The following PTPRD variants were observed in gnomAD, a reference collection of about 807,000 sequenced individuals.
The protein encoded by PTPRD is protein tyrosine phosphatase receptor type D, also known as receptor-type tyrosine-protein phosphatase delta.
In PTPRD, 34 loss-of-function variants were observed where a neutral mutation model predicts 214.5. The observed-to-expected ratio is 0.16, with a 90% CI of 0.12 to 0.21. The LOEUF (loss-of-function observed/expected upper bound fraction) is 0.21, where lower values mean the gene tolerates loss of function less well. Among genes scored for constraint, PTPRD ranks in the 10% least tolerant of loss-of-function variants. The pLI is 1.00. For synonymous variants in PTPRD, 1,128 were observed against 845.7 expected, an observed-to-expected ratio of 1.33 and a Z score of -5.79; for missense variants, 2,545 against 2,398.7, an observed-to-expected ratio of 1.06 and a Z score of -1.27.
intron 4 of PTPRD, among the ~76,000 whole-genome samples, chr9:10,029,574 T>A (rs1227707005): frequency 6.6e-6 from 1 of 152,204 alleles, no homozygotes; most frequent in East Asian, 1.9e-4. Context: ...TGCTGGATTT[T>A]GGATTTGCAT....
At chr9:9,681,306 T>C (rs887654745) in intron 7 of PTPRD, among the ~76,000 whole-genome samples, 2 of 151,726 alleles carry the variant, frequency 1.3e-5, no homozygotes, top group Admixed American at 1.3e-4. Flanking sequence ...AACTCTGTGA[T>C]AAAATATGGA....
intron 2 of PTPRD, among the ~76,000 whole-genome samples, chr9:10,436,997 C>G (rs2098722797): frequency 6.6e-6 from 1 of 151,764 alleles, no homozygotes; most frequent in Non-Finnish European, 1.5e-5. Context: ...ACTGGGTAGT[C>G]ATTTTGGAAG....
chr9:8,603,479 G>A (rs147243167), intron 14 of PTPRD, among the ~76,000 whole-genome samples: 46 of 151,940 alleles, frequency 3.0e-4, no homozygotes, highest in African/African-American at 9.7e-4. Flanking sequence ...TCTCCTTAAC[G>A]GTTTGCTTTC....
At chr9:8,480,801 G>T (rs2096865339) in intron 30 of PTPRD, among the ~76,000 whole-genome samples, 1 of 152,066 alleles carries the variant, frequency 6.6e-6, no homozygotes, top group Non-Finnish European at 1.5e-5. Flanking sequence ...AATTGCTTGG[G>T]ATAAAAATTA....
intron 2 of PTPRD, among the ~76,000 whole-genome samples, chr9:10,387,446 C>T (rs2097939660): frequency 6.6e-6 from 1 of 151,804 alleles, no homozygotes; most frequent in Non-Finnish European, 1.5e-5. Flanking sequence ...GCATAGGTCT[C>T]CTCATCCTCA....
chr9:10,078,760 G>A (rs1172109907), intron 3 of PTPRD, among the ~76,000 whole-genome samples: 2 of 151,944 alleles, frequency 1.3e-5, no homozygotes, highest in East Asian at 1.9e-4. Context: ...TATATTCAAT[G>A]TTTCCTATTC....
chr9:9,005,587 G>A (rs1351638958), intron 11 of PTPRD, among the ~76,000 whole-genome samples: 1 of 151,904 alleles, frequency 6.6e-6, no homozygotes, highest in Non-Finnish European at 1.5e-5. Flanking sequence ...TGGTTAAAAG[G>A]CATTCTATAA....
chr9:9,033,056 T>C (rs2099610647), intron 10 of PTPRD, among the ~76,000 whole-genome samples: 1 of 152,170 alleles, frequency 6.6e-6, no homozygotes, highest in Non-Finnish European at 1.5e-5. Context: ...TGCATGTACT[T>C]ATCCTTTCCT....
At chr9:8,741,319 T>C (rs1408085197) in intron 11 of PTPRD, among the ~76,000 whole-genome samples, 1 of 152,178 alleles carries the variant, frequency 6.6e-6, no homozygotes, top group Non-Finnish European at 1.5e-5. Context: ...AAAATTTCTT[T>C]CAGTTATTAC....
Position 8,534,638 on chromosome 9 carries a change from T to TACAC in PTPRD, c.353-5863_353-5860dup, listed in dbSNP as rs371056231. On this transcript the variant is annotated intron_variant, in intron 14 of 45. Transcript: ENST00000381196. ...ATGACATTCCTAGAGTATATATATA[T>TACAC]ACACACACACACACACACTAGGACT... Among the ~76,000 whole-genome samples the TACAC allele has an allele frequency of 2.4e-3, 357 of 149,964 alleles. 1 individual carries two copies. Among genetic ancestry groups the TACAC allele is most frequent in the Non-Finnish European group, 4.2e-3 (283 of 67,160 alleles).
chr9:8,770,335 T>C (rs1456664696), intron 11 of PTPRD, among the ~76,000 whole-genome samples: 1 of 148,350 alleles, frequency 6.7e-6, no homozygotes, highest in African/African-American at 2.5e-5. Flanking sequence ...TTTGCTATGA[T>C]AGTGTAATAA....
chr9:8,566,098 A>ATGTGTGTG (rs1491211691), intron 14 of PTPRD, among the ~76,000 whole-genome samples: 11 of 46,234 alleles, frequency 2.4e-4, no homozygotes, highest in Middle Eastern at 0.012. Context: ...TGAATGCAAA[A>ATGTGTGTG]TATGTGTGTG....
intron 2 of PTPRD, among the ~76,000 whole-genome samples, chr9:10,545,524 T>A (rs1012441171): frequency 2.0e-5 from 3 of 152,172 alleles, no homozygotes. Flanking sequence ...CTTGTTTATT[T>A]ATTGATTGAT....
At chr9:10,016,867 G>A (rs911736854) in intron 4 of PTPRD, among the ~76,000 whole-genome samples, 2 of 152,068 alleles carry the variant, frequency 1.3e-5, no homozygotes, top group Non-Finnish European at 2.9e-5. Flanking sequence ...GTCTCGCTAT[G>A]TTTCCCAAGC....
intron 9 of PTPRD, among the ~76,000 whole-genome samples, chr9:9,224,668 G>T (rs2099958274): frequency 6.6e-6 from 1 of 151,904 alleles, no homozygotes; most frequent in Admixed American, 6.6e-5. Flanking sequence ...GGCTTACCTA[G>T]TTTATTTCAT....
At chr9:8,716,890 G>C (rs1766217920) in intron 12 of PTPRD, among the ~76,000 whole-genome samples, 1 of 152,144 alleles carries the variant, frequency 6.6e-6, no homozygotes, top group South Asian at 2.1e-4. Flanking sequence ...AAATAAACTT[G>C]TATGAGAATT....
At chr9:10,563,064 T>C (rs192126118) in intron 2 of PTPRD, among the ~76,000 whole-genome samples, 1 of 152,154 alleles carries the variant, frequency 6.6e-6, no homozygotes, top group Non-Finnish European at 1.5e-5. Context: ...GGAATGCCTA[T>C]CCTTCAAATA....
Position 9,773,770 on chromosome 9 carries a change from C to T in PTPRD, c.-367-6919G>A, listed in dbSNP as rs373412294. Among the ~76,000 whole-genome samples the T allele has an allele frequency of 6.6e-5, 10 of 152,206 alleles. No homozygotes were observed. The East Asian group carries it at 1.9e-3, about 29-fold the overall frequency. On this transcript the variant is annotated intron_variant, in intron 5 of 45. Coordinates refer to ENST00000381196, the MANE Select transcript of PTPRD (RefSeq NM_002839.4). The stretch of plus-strand genomic sequence containing the variant: ...CTGATACCAGGTTGCCTGGAACATT[C>T]CAACATCCAATTCTTTTATAAACTG...
At chr9:10,043,221 T>A (rs941019243) in intron 3 of PTPRD, among the ~76,000 whole-genome samples, 2 of 151,968 alleles carry the variant, frequency 1.3e-5, no homozygotes, top group Non-Finnish European at 2.9e-5. Context: ...CATCAGTTTT[T>A]ATAAAACCTG....
Sources: allele counts gnomAD v4.1 joint callset (sites outside exome capture counted in the v4.1 genomes callset), GRCh38; gene constraint gnomAD v4.1.1; transcripts MANE v1.5; gene names NCBI Gene and HGNC (gene_info 2026-07-23, HGNC 2026-07-21).